Variants in LRRC69 observed in about 807,000 individuals in gnomAD.
The protein encoded by LRRC69 is leucine rich repeat containing 69.
A neutral mutation model predicts 37.8 loss-of-function variants in LRRC69; 42 were observed. The ratio of observed to expected loss-of-function variants is 1.11; its 90% CI spans 0.87 to 1.44. The LOEUF (loss-of-function observed/expected upper bound fraction) is 1.44. Among genes scored for constraint, LRRC69 ranks in the 40% most tolerant of loss-of-function variants. The pLI is 0.00. For synonymous variants in LRRC69, 141 were observed against 143.1 expected (o/e 0.99, Z 0.11); for missense variants, 357 against 401.9 (o/e 0.89, Z 0.96).
chr8:91,167,039 A>G (rs1198649861), intron 5 of LRRC69, among the ~76,000 whole-genome samples: 2 of 151,826 alleles, frequency 1.3e-5, no homozygotes, highest in Non-Finnish European at 2.9e-5. Context: ...ATACTTCTTC[A>G]AAGATTCAGA....
chr8:91,115,501 T>A (rs1484104986), intron 1 of LRRC69, among the ~76,000 whole-genome samples: 1 of 152,034 alleles, frequency 6.6e-6, no homozygotes, highest in Admixed American at 6.6e-5. Flanking sequence ...TACTATTTTT[T>A]AAAATACTGT....
At chr8:91,193,392 T>A (rs1208770912) in intron 6 of LRRC69, among the ~76,000 whole-genome samples, 1 of 142,564 alleles carries the variant, frequency 7.0e-6, no homozygotes, top group African/African-American at 2.6e-5. Context: ...AAGAAAGGCA[T>A]TGGTAGCTTG....
At chr8:91,192,596 G>C in intron 6 of LRRC69, among the ~76,000 whole-genome samples, 1 of 152,028 alleles carries the variant, frequency 6.6e-6, no homozygotes, top group East Asian at 1.9e-4. Context: ...CTGATGGCCA[G>C]TGATGATGAG....
chr8:91,111,838 T>C (rs894673100), intron 1 of LRRC69, among the ~76,000 whole-genome samples: 2 of 151,666 alleles, frequency 1.3e-5, no homozygotes, highest in Non-Finnish European at 2.9e-5. Context: ...ATGACACAAG[T>C]TTACCTATGT....
intron 7 of LRRC69, chr8:91,206,694 A>T: frequency 7.8e-7 from 1 of 1,289,434 alleles, no homozygotes; most frequent in Non-Finnish European, 1.0e-6. Context: ...CTCTTTCAGA[A>T]ACTACAACCT....
intron 7 of LRRC69, among the ~76,000 whole-genome samples, chr8:91,201,769 GA>G (rs1378240647): frequency 1.3e-5 from 2 of 152,074 alleles, no homozygotes; most frequent in Non-Finnish European, 2.9e-5. Flanking sequence ...CTGCCATTCT[GA>G]AAATTGTCAT....
intron 5 of LRRC69, among the ~76,000 whole-genome samples, chr8:91,151,077 C>G (rs929316821): frequency 7.2e-5 from 11 of 151,958 alleles, no homozygotes; most frequent in African/African-American, 9.6e-5. Flanking sequence ...TTTTGTGTCT[C>G]TATTTCCTTC....
In LRRC69 at chr8:91,133,100, T is replaced by C. The variant is rs1255049458; in HGVS notation, c.384-10T>C. 1 of 1,438,014 alleles carries C rather than the reference T, an allele frequency of 7.0e-7. No individual in the cohort carries two copies. The highest frequency in any genetic ancestry group is 1.5e-5 in the African/African-American group (1 of 68,670). 89.1% of individuals were successfully genotyped at this position (1,438,014 alleles called of 1,614,324 possible). A position where few individuals can be genotyped will look rare whatever the true frequency, so the allele number is the denominator to read the frequency against. ...TTCATTCATATACTTTGGTGTTTTT[T>C]TTTTTTTAGATTAAAAAGTCTTACT... On this transcript the variant is annotated splice_polypyrimidine_tract_variant and intron_variant, in intron 3 of 7. Transcript: ENST00000448384.
chr8:91,115,911 C>T (rs1195315688), intron 1 of LRRC69, among the ~76,000 whole-genome samples: 1 of 151,858 alleles, frequency 6.6e-6, no homozygotes, highest in East Asian at 1.9e-4. Context: ...CAATCCCACT[C>T]ATATTTACAG....
At chr8:91,115,329 G>A (rs1385821241) in intron 1 of LRRC69, among the ~76,000 whole-genome samples, 1 of 151,940 alleles carries the variant, frequency 6.6e-6, no homozygotes, top group African/African-American at 2.4e-5. Flanking sequence ...GAAAACACAT[G>A]CCTCCAGGCA....
chr8:91,129,067 G>C (rs1173126867), intron 3 of LRRC69, among the ~76,000 whole-genome samples: 2 of 151,952 alleles, frequency 1.3e-5, no homozygotes, highest in Non-Finnish European at 2.9e-5. Flanking sequence ...TTTGTTTTTG[G>C]CTCATTTAAA....
At chr8:91,214,336 G>T (rs907926722) in intron 7 of LRRC69, among the ~76,000 whole-genome samples, 16 of 152,164 alleles carry the variant, frequency 1.1e-4, no homozygotes, top group Non-Finnish European at 1.8e-4. Flanking sequence ...TAATTCAAGT[G>T]AATACGTTTA....
At chr8:91,149,454 T>A (rs1308528088) in intron 5 of LRRC69, among the ~76,000 whole-genome samples, 1 of 152,046 alleles carries the variant, frequency 6.6e-6, no homozygotes, top group East Asian at 1.9e-4. Context: ...ATCTCTGTTT[T>A]GGTACCAGTA....
chr8:91,142,281 T>C (rs558938748), intron 5 of LRRC69, among the ~76,000 whole-genome samples: 3 of 152,030 alleles, frequency 2.0e-5, no homozygotes, highest in Non-Finnish European at 4.4e-5. Context: ...GCAGACCAAA[T>C]AGAAAACTTC....
At chr8:91,208,290 T>C (rs1280889402) in intron 7 of LRRC69, among the ~76,000 whole-genome samples, 6 of 152,048 alleles carry the variant, frequency 3.9e-5, no homozygotes, top group Non-Finnish European at 7.4e-5. Flanking sequence ...CCTGGTGATG[T>C]GGATTTAAAA....
At position 91,140,875 on chromosome 8, in the gene LRRC69, G is replaced by A. The variant is rs1365966334; in HGVS notation, c.651+5136G>A. 2.1e-5 allele frequency among the ~76,000 whole-genome samples: 2 copies of A among 97,538 alleles called. 1 individual carries two copies. Among genetic ancestry groups the A allele is most frequent in the Non-Finnish European group, 4.2e-5 (2 of 47,482 alleles). The allele number at this position is 97,538 out of a possible 152,430, so 64.0% of individuals were successfully genotyped here. A position where few individuals can be genotyped will look rare whatever the true frequency, so the allele number is the denominator to read the frequency against. On this transcript the variant is annotated intron_variant, in intron 5 of 7. Coordinates refer to ENST00000448384, the Ensembl canonical transcript of LRRC69. ...TCACCGTTTTAGCCGGGATGGTCTC[G>A]ATCTCCTGACCTCGTGATCCGCCCG...
chr8:91,201,270 T>A (rs1158683732), intron 7 of LRRC69, among the ~76,000 whole-genome samples: 1 of 152,188 alleles, frequency 6.6e-6, no homozygotes, highest in Non-Finnish European at 1.5e-5. Flanking sequence ...GCAGTTCACA[T>A]AGCCCATAAG....
At chr8:91,210,983 T>C (rs1387413905) in intron 7 of LRRC69, among the ~76,000 whole-genome samples, 1 of 152,030 alleles carries the variant, frequency 6.6e-6, no homozygotes, top group African/African-American at 2.4e-5. Flanking sequence ...TATTGAGAGC[T>C]AAAGATGAAA....
chr8:91,154,035 C>A (rs959836856), intron 5 of LRRC69, among the ~76,000 whole-genome samples: 15 of 151,802 alleles, frequency 9.9e-5, no homozygotes, highest in African/African-American at 3.4e-4. Flanking sequence ...AAGGGCATAT[C>A]ACCACTGACC....
Sources: allele counts gnomAD v4.1 joint callset (sites outside exome capture counted in the v4.1 genomes callset), GRCh38; gene constraint gnomAD v4.1.1; transcripts MANE v1.5; gene names NCBI Gene and HGNC (gene_info 2026-07-23, HGNC 2026-07-21).